Variants in SMAD5 observed in about 807,000 individuals in gnomAD.
SMAD5 encodes the protein MAD, mothers against decapentaplegic homolog 5.
In SMAD5, 9 loss-of-function variants were observed where a neutral mutation model predicts 43.1. The observed-to-expected ratio is 0.21, with a 90% CI of 0.13 to 0.36. The LOEUF (loss-of-function observed/expected upper bound fraction) is 0.36, where lower values mean the gene tolerates loss of function less well. Ranked by LOEUF, SMAD5 falls within the 10% of genes least tolerant of loss-of-function variation. The pLI is 1.00. For synonymous variants in SMAD5, 190 were observed against 192.4 expected (o/e 0.99, Z 0.10); for missense variants, 348 against 574.0 (o/e 0.61, Z 4.02).
At chr5:136,172,689 T>A in intron 6 of SMAD5, 34 bp downstream of exon 6, 1 of 1,397,828 alleles carries the variant, frequency 7.2e-7, no homozygotes, top group Non-Finnish European at 1.0e-6. Flanking sequence ...TTAATCGAAT[T>A]CAATCATTTG....
At chr5:136,139,389 C>G (rs1752996694) in intron 1 of SMAD5, among the ~76,000 whole-genome samples, 1 of 152,112 alleles carries the variant, frequency 6.6e-6, no homozygotes, top group Non-Finnish European at 1.5e-5. Context: ...AACCCTGAAT[C>G]TTCCTTTAGC....
intron 1 of SMAD5, among the ~76,000 whole-genome samples, chr5:136,139,128 C>CTGTGTG (rs57433582): frequency 2.8e-4 from 39 of 140,482 alleles, no homozygotes; most frequent in African/African-American, 8.5e-4. Flanking sequence ...GCTGTGAGCT[C>CTGTGTG]TGTGTGTGTG....
chr5:136,176,882 T>C (rs947169814), intron 7 of SMAD5, among the ~76,000 whole-genome samples: 3 of 152,204 alleles, frequency 2.0e-5, no homozygotes, highest in African/African-American at 7.2e-5. Flanking sequence ...GTAAATACAC[T>C]GTTTCTCCTT....
chr5:136,154,807 G>A (rs1753579479), intron 3 of SMAD5, among the ~76,000 whole-genome samples: 2 of 151,988 alleles, frequency 1.3e-5, no homozygotes, highest in African/African-American at 4.8e-5. Flanking sequence ...AGGTCAAGGG[G>A]TCATTTTTGA....
intron 3 of SMAD5, among the ~76,000 whole-genome samples, chr5:136,158,936 A>G (rs1217309420): frequency 6.6e-6 from 1 of 152,110 alleles, no homozygotes; most frequent in Non-Finnish European, 1.5e-5. Flanking sequence ...GAAAACGTAG[A>G]GTGAATAAAT....
intron 7 of SMAD5, among the ~76,000 whole-genome samples, chr5:136,175,941 TG>T (rs1754401076): frequency 6.6e-6 from 1 of 152,142 alleles, no homozygotes. Context: ...CCAGAGAACC[TG>T]ATAAATCCAG....
At chr5:136,175,994 A>T (rs1463130614) in intron 7 of SMAD5, among the ~76,000 whole-genome samples, 1 of 152,154 alleles carries the variant, frequency 6.6e-6, no homozygotes, top group Non-Finnish European at 1.5e-5. Context: ...TTTTATCTGC[A>T]GTTTTAGGCT....
At chr5:136,136,987 G>A (rs766309924) in intron 1 of SMAD5, among the ~76,000 whole-genome samples, 1 of 151,078 alleles carries the variant, frequency 6.6e-6, no homozygotes, top group South Asian at 2.1e-4. Flanking sequence ...GTGAGCCACC[G>A]TGCCTGGCTG....
Position 136,180,333 on chromosome 5 carries a change from A to G in SMAD5, c.*2853A>G, listed in dbSNP as rs1315462880. On this transcript the variant is annotated 3_prime_UTR_variant, in exon 8 of 8. Transcript: ENST00000545279. ...AGTAAAATTCTAGCACCACTAGAATAATCACATAGCATGTACAATATATTT... is the reference window on the plus strand; with the variant it reads ...AGTAAAATTCTAGCACCACTAGAATGATCACATAGCATGTACAATATATTT... The G allele has an allele frequency of 6.6e-6, 1 of 152,216 alleles. No homozygotes were observed. Among genetic ancestry groups the G allele is most frequent in the African/African-American group, 2.4e-5 (1 of 41,466 alleles). 9.4% of individuals were successfully genotyped at this position (152,216 alleles called of 1,614,324 possible).
At chr5:136,134,025 C>T (rs1752777915) in intron 1 of SMAD5, 1 of 78,146 alleles carries the variant, frequency 1.3e-5, no homozygotes, top group South Asian at 4.6e-4. Flanking sequence ...GTTTCCTGAC[C>T]AGCTGGAGCT....
intron 2 of SMAD5, among the ~76,000 whole-genome samples, chr5:136,152,272 A>T (rs1026913415): frequency 2.6e-5 from 4 of 152,168 alleles, no homozygotes; most frequent in Admixed American, 6.5e-5. Context: ...TGTTGAGATT[A>T]AACCCTACTT....
intron 1 of SMAD5, among the ~76,000 whole-genome samples, chr5:136,144,945 T>G (rs1162376679): frequency 6.7e-6 from 1 of 149,652 alleles, no homozygotes; most frequent in East Asian, 2.0e-4. Context: ...CTGAGGAATA[T>G]AGGAGAAGCT....
chr5:136,167,724 G>A lies in SMAD5; in HGVS notation c.775+4333G>A, dbSNP rs1367307247. 3.3e-5 allele frequency among the ~76,000 whole-genome samples: 5 copies of A among 149,830 alleles called. No homozygotes were observed. The East Asian group carries it at 9.8e-4, about 29-fold the overall frequency. On this transcript the variant is annotated intron_variant, in intron 5 of 7. Coordinates refer to ENST00000545279, the MANE Select transcript of SMAD5 (RefSeq NM_005903.7). The stretch of plus-strand genomic sequence containing the variant: ...ACCTGGGAGGTGGAGGTTGCAGTGA[G>A]CCGAGATCATGCTACTGTGCTCAAT...
At chr5:136,144,884 A>G (rs1420295078) in intron 1 of SMAD5, among the ~76,000 whole-genome samples, 6 of 151,928 alleles carry the variant, frequency 3.9e-5, no homozygotes. Context: ...TTGAGACAGA[A>G]GGAAAGTTCA....
chr5:136,139,262 A>G (rs564311067), intron 1 of SMAD5, among the ~76,000 whole-genome samples: 26 of 152,160 alleles, frequency 1.7e-4, no homozygotes, highest in South Asian at 1.2e-3. Context: ...TAGTACTTCC[A>G]TAACCTTAGG....
intron 3 of SMAD5, among the ~76,000 whole-genome samples, chr5:136,156,659 C>G (rs1421978313): frequency 6.6e-6 from 1 of 152,130 alleles, no homozygotes; most frequent in East Asian, 1.9e-4. Flanking sequence ...CTGAAAAACT[C>G]CCAAGCTTGC....
chr5:136,162,907 T>C lies in SMAD5; in HGVS notation c.656-365T>C, dbSNP rs1407789408. Among the ~76,000 whole-genome samples the C allele has an allele frequency of 2.0e-5, 3 of 152,366 alleles. No individual in the cohort carries two copies. In the East Asian group the frequency reaches 5.8e-4, roughly 29 times the overall value. ...TAAAAGTGTCTCTGTAGTAGATATATACCCAAATGAGGAAAATCTGTACTT... is the reference window on the plus strand; with the variant it reads ...TAAAAGTGTCTCTGTAGTAGATATACACCCAAATGAGGAAAATCTGTACTT... On this transcript the variant is annotated intron_variant, in intron 4 of 7. Coordinates refer to ENST00000545279, the MANE Select transcript of SMAD5 (RefSeq NM_005903.7).
chr5:136,176,635 C>T (rs1754431829), intron 7 of SMAD5, among the ~76,000 whole-genome samples: 1 of 150,884 alleles, frequency 6.6e-6, no homozygotes, highest in Non-Finnish European at 1.5e-5. Context: ...TTTAACATAC[C>T]CCAATCTACC....
At chr5:136,161,970 C>G (rs1329596379) in intron 4 of SMAD5, among the ~76,000 whole-genome samples, 1 of 152,136 alleles carries the variant, frequency 6.6e-6, no homozygotes, top group African/African-American at 2.4e-5. Flanking sequence ...AGACCCAAGA[C>G]TCTTCTAATA....
Sources: gnomAD v4.1 joint callset for allele counts (sites outside exome capture counted in the v4.1 genomes callset) on GRCh38, gnomAD v4.1.1 for gene constraint, MANE v1.5 for transcripts, NCBI Gene and HGNC (gene_info 2026-07-23, HGNC 2026-07-21) for gene names.